Variants in MAST4 observed in about 807,000 individuals in gnomAD.
MAST4 encodes microtubule-associated serine/threonine-protein kinase 4.
A neutral mutation model predicts 162.7 loss-of-function variants in MAST4; 89 were observed. The observed-to-expected ratio is 0.55, with a 90% CI of 0.46 to 0.65. The LOEUF (loss-of-function observed/expected upper bound fraction) is 0.65. MAST4 is among the 30% of genes least tolerant of loss of function. The pLI is 0.00. For synonymous variants in MAST4, 1,479 were observed against 1,361.1 expected, an observed-to-expected ratio of 1.09 and a Z score of -1.91; for missense variants, 3,153 against 3,374.0, an observed-to-expected ratio of 0.93 and a Z score of 1.62.
chr5:66,893,775 A>C (rs1188065678), intron 3 of MAST4, among the ~76,000 whole-genome samples: 1 of 152,190 alleles, frequency 6.6e-6, no homozygotes, highest in African/African-American at 2.4e-5. Context: ...CATTTAGGAA[A>C]GCATGTATTT....
At chr5:67,066,270 CAT>C (rs1377721734) in intron 5 of MAST4, among the ~76,000 whole-genome samples, 2 of 151,844 alleles carry the variant, frequency 1.3e-5, no homozygotes, top group South Asian at 2.1e-4. Context: ...TTAAAAGAAA[CAT>C]ATAGATAAAA....
chr5:66,617,938 T>C (rs995975569), intron 1 of MAST4, among the ~76,000 whole-genome samples: 7 of 151,998 alleles, frequency 4.6e-5, no homozygotes, highest in African/African-American at 1.7e-4. Flanking sequence ...AACTAGGTGC[T>C]AGGGCAGTAT....
chr5:67,163,877 G>A lies in MAST4; in HGVS notation c.4698G>A (p.Leu1566=). The stretch of plus-strand genomic sequence containing the variant: ...GGAGTGATTTGGAAAACTTTGCTCT[G>A]TTTAAGCTGGAAGAGAGAGAGAAGA... The part of the protein sequence containing the change: ...GPGSDLENFA[L]FKLEEREKKV... The change falls in exon 29 of 29, where the codon CTG becomes CTA. Residue 1566 remains leucine, a synonymous_variant. Coordinates refer to ENST00000403625, the MANE Select transcript of MAST4 (RefSeq NM_001164664.2). This position sits in a 1 kb window ranked among gnomAD's most constrained non-coding sequence, Gnocchi z 7.0. The A allele has an allele frequency of 6.2e-7, 1 of 1,614,028 alleles. No individual in the cohort carries two copies. The highest frequency in any genetic ancestry group is 8.5e-7 in the Non-Finnish European group (1 of 1,179,896).
intron 1 of MAST4, among the ~76,000 whole-genome samples, chr5:66,722,222 T>A (rs1258634680): frequency 6.6e-6 from 1 of 152,172 alleles, no homozygotes; most frequent in Non-Finnish European, 1.5e-5. Flanking sequence ...TACCAACTCC[T>A]ATTTTTTGTC....
At chr5:66,619,368 C>T (rs993740230) in intron 1 of MAST4, among the ~76,000 whole-genome samples, 4 of 150,648 alleles carry the variant, frequency 2.7e-5, no homozygotes, top group Admixed American at 6.6e-5. Context: ...TATCAACCTT[C>T]GTTAGGAATA....
chr5:66,866,604 T>C (rs990741296), intron 3 of MAST4, among the ~76,000 whole-genome samples: 1 of 152,222 alleles, frequency 6.6e-6, no homozygotes, highest in Non-Finnish European at 1.5e-5. Context: ...CTATTTGTAA[T>C]GGCTTTGTTA....
chr5:66,682,845 A>G (rs1270312532), intron 1 of MAST4, among the ~76,000 whole-genome samples: 1 of 152,226 alleles, frequency 6.6e-6, no homozygotes, highest in Non-Finnish European at 1.5e-5. Flanking sequence ...AGCTGGGACT[A>G]CAGGCCTATG....
intron 1 of MAST4, among the ~76,000 whole-genome samples, chr5:66,746,067 G>T (rs1752740962): frequency 6.6e-6 from 1 of 152,158 alleles, no homozygotes; most frequent in Non-Finnish European, 1.5e-5. Context: ...CATTTGACTT[G>T]TCTGGGCCTC....
At position 67,022,487 on chromosome 5, in the gene MAST4, G is replaced by A. The variant is rs544518933; in HGVS notation, c.675-31917G>A. On this transcript the variant is annotated intron_variant, in intron 4 of 28. Coordinates refer to ENST00000403625, the MANE Select transcript of MAST4 (RefSeq NM_001164664.2). ...ATGAACATTGCATATACTTTAGGAC[G>A]AAGAGCTTCTAAAGAATAAAATTCC... Among the ~76,000 whole-genome samples the A allele has an allele frequency of 3.3e-5, 5 of 152,042 alleles. No individual in the cohort carries two copies. In the South Asian group the frequency reaches 8.3e-4, roughly 25 times the overall value.
intron 2 of MAST4, among the ~76,000 whole-genome samples, chr5:66,760,440 T>C (rs1306845515): frequency 2.0e-5 from 3 of 152,096 alleles, no homozygotes; most frequent in Non-Finnish European, 4.4e-5. Flanking sequence ...AGTTTATGTT[T>C]GGATGGATTT....
Position 67,149,088 on chromosome 5 carries a change from A to G in MAST4, c.3095-301A>G, listed in dbSNP as rs558381025. 5.6e-4 allele frequency among the ~76,000 whole-genome samples: 86 copies of G among 152,332 alleles called. 4 individuals carry two copies. In the South Asian group the frequency reaches 0.017, roughly 31 times the overall value. On this transcript the variant is annotated intron_variant, in intron 23 of 28. Coordinates refer to ENST00000403625, the MANE Select transcript of MAST4 (RefSeq NM_001164664.2). ...ATTATCTCTGCAAGGTTTCAAAAAT[A>G]TAGATTGTTGAAAGAAACTAATTCC...
At chr5:67,115,016 A>G (rs1766714401) in intron 12 of MAST4, 2 of 148,142 alleles carry the variant, frequency 1.4e-5, no homozygotes. Context: ...ACTGCACTCC[A>G]GCCTGGGCGA....
rs1325861975 is a variant in MAST4 at position 67,090,443 on chromosome 5, CCCG to C, written c.833+214_833+216del. On this transcript the variant is annotated intron_variant, in intron 6 of 28. Coordinates refer to ENST00000403625, the MANE Select transcript of MAST4 (RefSeq NM_001164664.2). ...CCATCTCACTTCCCCCCTCCCCCTC[CCCG>C]CTTCTCCCCCTCCCCGCTTCTCCCC... Among the ~76,000 whole-genome samples, 272 of 41,532 alleles carry C rather than the reference CCCG, an allele frequency of 6.5e-3. 8 individuals are homozygous for C. In the African/African-American group the frequency reaches 0.078, roughly 12 times the overall value. 27.2% of individuals were successfully genotyped at this position (41,532 alleles called of 152,430 possible).
At chr5:66,968,125 G>A (rs140781496) in intron 4 of MAST4, among the ~76,000 whole-genome samples, 1 of 152,288 alleles carries the variant, frequency 6.6e-6, no homozygotes, top group Non-Finnish European at 1.5e-5. Context: ...GTAAGTAGCT[G>A]TAGGCTGGAA....
intron 4 of MAST4, among the ~76,000 whole-genome samples, chr5:66,925,333 G>A (rs1398518556): frequency 6.6e-6 from 1 of 152,136 alleles, no homozygotes; most frequent in Non-Finnish European, 1.5e-5. Flanking sequence ...TTCATTTTAT[G>A]AAATTTCAAA....
At chr5:67,033,864 C>A (rs937072619) in intron 4 of MAST4, among the ~76,000 whole-genome samples, 1 of 152,108 alleles carries the variant, frequency 6.6e-6, no homozygotes, top group Non-Finnish European at 1.5e-5. Flanking sequence ...TCCGCATCTA[C>A]GTATGCCATC....
chr5:66,726,275 G>A (rs1387605013), intron 1 of MAST4, among the ~76,000 whole-genome samples: 2 of 152,020 alleles, frequency 1.3e-5, no homozygotes, highest in East Asian at 3.9e-4. Flanking sequence ...TAATTTTCTT[G>A]GGGGCAGGAG....
chr5:66,800,926 C>T (rs1329033048), intron 3 of MAST4, among the ~76,000 whole-genome samples: 1 of 152,108 alleles, frequency 6.6e-6, no homozygotes, highest in Non-Finnish European at 1.5e-5. Flanking sequence ...ATTTTGTATA[C>T]TACTACCACA....
rs34851574 is a variant in MAST4, at chr5:67,078,918, A to ATATAT, written c.764-11243_764-11239dup. ...TTTATATATTTTTATATAAATATAT[A>ATATAT]TATATATATATATATATATATATAT... On this transcript the variant is annotated intron_variant, in intron 5 of 28. Transcript: ENST00000403625. Among the ~76,000 whole-genome samples the ATATAT allele has an allele frequency of 4.7e-3, 278 of 58,906 alleles. 9 individuals carry two copies. Among genetic ancestry groups the ATATAT allele is most frequent in the African/African-American group, 0.025 (252 of 10,240 alleles). 38.6% of individuals were successfully genotyped at this position (58,906 alleles called of 152,430 possible). A position where few individuals can be genotyped will look rare whatever the true frequency, so the allele number is the denominator to read the frequency against.
Sources: allele counts gnomAD v4.1 joint callset (sites outside exome capture counted in the v4.1 genomes callset), GRCh38; gene constraint gnomAD v4.1.1; non-coding constraint Gnocchi (gnomAD v3.1); transcripts MANE v1.5; gene names NCBI Gene and HGNC (gene_info 2026-07-23, HGNC 2026-07-21).